Variants in IL1RAPL2 observed in about 807,000 individuals in gnomAD.
IL1RAPL2 encodes interleukin 1 receptor accessory protein like 2.
A neutral mutation model predicts 44.1 loss-of-function variants in IL1RAPL2; 3 were observed. The observed-to-expected ratio is 0.07, with a 90% CI of 0.03 to 0.18. The LOEUF (loss-of-function observed/expected upper bound fraction) is 0.18, where lower values mean the gene tolerates loss of function less well. Among genes scored for constraint, IL1RAPL2 ranks in the 10% least tolerant of loss-of-function variants. The pLI, the probability that IL1RAPL2 is intolerant of heterozygous loss-of-function variation, is 1.00. For synonymous variants in IL1RAPL2, 181 were observed against 178.8 expected, an observed-to-expected ratio of 1.01 and a Z score of -0.10; for missense variants, 391 against 496.4, an observed-to-expected ratio of 0.79 and a Z score of 2.02.
chrX:105,493,324 C>A (rs890766375), intron 6 of IL1RAPL2, among the ~76,000 whole-genome samples: 19 of 111,510 alleles, frequency 1.7e-4, no homozygotes, highest in South Asian at 3.7e-4. Context: ...TATGTCTAAC[C>A]TTTTGAGGAA....
At chrX:105,048,640 A>G (rs1321509811) in intron 2 of IL1RAPL2, among the ~76,000 whole-genome samples, 1 of 111,436 alleles carries the variant, frequency 9.0e-6, no homozygotes, top group African/African-American at 3.3e-5. Flanking sequence ...CAATAGTCAC[A>G]CGTGGCCAGT....
chrX:105,456,243 A>G (rs937437753), intron 5 of IL1RAPL2, among the ~76,000 whole-genome samples: 1 of 112,030 alleles, frequency 8.9e-6, no homozygotes, highest in African/African-American at 3.2e-5. Flanking sequence ...GATTTTCTAC[A>G]TATAAGACCA....
At chrX:105,245,131 C>T (rs2034207936) in intron 4 of IL1RAPL2, among the ~76,000 whole-genome samples, 1 of 111,912 alleles carries the variant, frequency 8.9e-6, no homozygotes. Context: ...GTCTTAACTC[C>T]AGGGCTTTAA....
At chrX:105,255,963 T>C (rs186739489) in intron 4 of IL1RAPL2, among the ~76,000 whole-genome samples, 1 of 112,320 alleles carries the variant, frequency 8.9e-6, no homozygotes, top group East Asian at 2.8e-4. Flanking sequence ...ATTTATTGAT[T>C]TGCATATGTT....
chrX:105,143,477 A>G (rs757463046), intron 2 of IL1RAPL2, among the ~76,000 whole-genome samples: 36 of 111,878 alleles, frequency 3.2e-4, no homozygotes, highest in East Asian at 1.1e-3. Flanking sequence ...AGAAATAGGA[A>G]CACTTTTACA....
At chrX:105,666,750 T>C (rs1252936530) in intron 6 of IL1RAPL2, among the ~76,000 whole-genome samples, 11 of 111,556 alleles carry the variant, frequency 9.9e-5, no homozygotes, top group African/African-American at 2.6e-4. Context: ...GCATTTATAG[T>C]CCTATCTTAT....
At chrX:104,916,157 G>C (rs1283622695) in intron 2 of IL1RAPL2, among the ~76,000 whole-genome samples, 1 of 111,428 alleles carries the variant, frequency 9.0e-6, no homozygotes, top group Non-Finnish European at 1.9e-5. Context: ...AATTACCTTG[G>C]GCAGTGAGGC....
chrX:104,948,587 G>T (rs1369092090), intron 2 of IL1RAPL2, among the ~76,000 whole-genome samples: 87 of 110,037 alleles, frequency 7.9e-4, no homozygotes, highest in South Asian at 2.4e-3. Context: ...TTTGAAATAC[G>T]TCCCATCAAT....
At chrX:104,836,796 T>C (rs1349701188) in intron 2 of IL1RAPL2, among the ~76,000 whole-genome samples, 1 of 111,272 alleles carries the variant, frequency 9.0e-6, no homozygotes, top group Non-Finnish European at 1.9e-5. Context: ...TAGGTATACG[T>C]GTTCCATGGT....
chrX:104,711,822 TGTA>T (rs1172475578), intron 2 of IL1RAPL2, among the ~76,000 whole-genome samples: 2 of 110,842 alleles, frequency 1.8e-5, no homozygotes, highest in African/African-American at 3.3e-5. Context: ...CTAGAATAAA[TGTA>T]GTCATATAAA....
intron 2 of IL1RAPL2, among the ~76,000 whole-genome samples, chrX:105,002,557 G>T (rs1291692790): frequency 9.1e-6 from 1 of 110,473 alleles, no homozygotes; most frequent in Non-Finnish European, 1.9e-5. Flanking sequence ...TATAAACGAT[G>T]GTCCATGAAT....
At chrX:105,552,456 A>G (rs1010231708) in intron 6 of IL1RAPL2, among the ~76,000 whole-genome samples, 1 of 112,376 alleles carries the variant, frequency 8.9e-6, no homozygotes, top group Non-Finnish European at 1.9e-5. Flanking sequence ...TTGCGTTCGC[A>G]AATCTAGAAT....
rs181166808 is a variant in IL1RAPL2, at chrX:104,634,557, G to T, written c.-19-24338G>T. 2.1e-4 allele frequency among the ~76,000 whole-genome samples: 24 copies of T among 112,096 alleles called. No individual in the cohort carries two copies. In the Admixed American group the frequency reaches 2.2e-3, roughly 10 times the overall value. On this transcript the variant is annotated intron_variant, in intron 1 of 10. Coordinates refer to ENST00000372582, the MANE Select transcript of IL1RAPL2 (RefSeq NM_017416.2). ...GCTGGGTGCATATATATTTAGGATAGTTAGCTCTTCTTGTTGAATTGATCC... is the reference window on the plus strand; with the variant it reads ...GCTGGGTGCATATATATTTAGGATATTTAGCTCTTCTTGTTGAATTGATCC...
At chrX:104,774,563 A>G (rs1555041) in intron 2 of IL1RAPL2, among the ~76,000 whole-genome samples, 40,917 of 110,698 alleles carry the variant, frequency 0.37, 5,906 homozygotes, top group East Asian at 0.46. Flanking sequence ...CTAGAATCCA[A>G]ACCATATTAT....
At chrX:105,381,893 T>G (rs762189492) in intron 5 of IL1RAPL2, among the ~76,000 whole-genome samples, 11,740 of 107,358 alleles carry the variant, frequency 0.11, 1,785 homozygotes, top group African/African-American at 0.39. Context: ...TAATAAATGG[T>G]GCTGGGAAAA....
chrX:105,288,221 G>A (rs2034585526), intron 5 of IL1RAPL2, among the ~76,000 whole-genome samples: 1 of 110,522 alleles, frequency 9.0e-6, no homozygotes, highest in Non-Finnish European at 1.9e-5. Context: ...CAACCTGGTT[G>A]TATATTCCAT....
At chrX:105,692,521 T>C (rs2038043305) in intron 6 of IL1RAPL2, among the ~76,000 whole-genome samples, 1 of 111,709 alleles carries the variant, frequency 9.0e-6, no homozygotes, top group Non-Finnish European at 1.9e-5. Context: ...GAAGTATATA[T>C]GTAAATGAAG....
intron 9 of IL1RAPL2, among the ~76,000 whole-genome samples, chrX:105,750,181 TTTAA>T (rs1372932606): frequency 1.4e-4 from 15 of 110,542 alleles, no homozygotes; most frequent in Non-Finnish European, 2.6e-4. Context: ...ATGGGTGGGT[TTTAA>T]TTGACTTTCA....
chrX:104,626,039 A>G (rs1402673902), intron 1 of IL1RAPL2, among the ~76,000 whole-genome samples: 1 of 111,187 alleles, frequency 9.0e-6, no homozygotes, highest in Non-Finnish European at 1.9e-5. Flanking sequence ...TTTGCTTATT[A>G]CTATGCATCA....
Sources: gnomAD v4.1 joint callset for allele counts (sites outside exome capture counted in the v4.1 genomes callset) on GRCh38, gnomAD v4.1.1 for gene constraint, MANE v1.5 for transcripts, NCBI Gene and HGNC (gene_info 2026-07-23, HGNC 2026-07-21) for gene names.